IMMP2L: variants seen among roughly 807,000 people sequenced by gnomAD.
The protein encoded by IMMP2L is mitochondrial inner membrane protease subunit 2.
A neutral mutation model predicts 19.3 loss-of-function variants in IMMP2L; 18 were observed. That is an observed-to-expected ratio of 0.93 (90% CI 0.64 to 1.38). The LOEUF is 1.38. IMMP2L is among the 40% of genes most tolerant of loss of function. The pLI, the probability that IMMP2L is intolerant of heterozygous loss-of-function variation, is 0.00. For synonymous variants in IMMP2L, 76 were observed against 73.0 expected (o/e 1.04, Z -0.21); for missense variants, 233 against 218.2 (o/e 1.07, Z -0.43).
At chr7:111,319,352 T>C (rs779502892) in intron 3 of IMMP2L, among the ~76,000 whole-genome samples, 2 of 152,150 alleles carry the variant, frequency 1.3e-5, no homozygotes, top group Non-Finnish European at 2.9e-5. Flanking sequence ...TCTACACTAA[T>C]GTGCTACATA....
At position 111,351,276 on chromosome 7, in the gene IMMP2L, C is replaced by T. The variant is rs957683498; in HGVS notation, c.239+135962G>A. On this transcript the variant is annotated intron_variant, in intron 3 of 5. Transcript: ENST00000405709. ...CGCAATCTCTGCTCACCGCAACCTC[C>T]GCCTCCTGGGTTCAAGCGATTCTCC... Among the ~76,000 whole-genome samples, 12 of 152,248 alleles carry T rather than the reference C, an allele frequency of 7.9e-5. No individual in the cohort carries two copies. The South Asian group carries it at 2.1e-3, about 26-fold the overall frequency.
chr7:111,014,428 A>C (rs1825292015), intron 3 of IMMP2L, among the ~76,000 whole-genome samples: 2 of 152,148 alleles, frequency 1.3e-5, no homozygotes, highest in African/African-American at 4.8e-5. Context: ...TGTACAAATT[A>C]CATTTTAAAT....
intron 2 of IMMP2L, among the ~76,000 whole-genome samples, chr7:111,504,645 C>A (rs1283092892): frequency 6.6e-6 from 1 of 152,078 alleles, no homozygotes; most frequent in East Asian, 1.9e-4. Context: ...TGGAACAGAA[C>A]AGAGCCCTCA....
chr7:110,730,729 T>G (rs1001843817), intron 5 of IMMP2L, among the ~76,000 whole-genome samples: 107 of 151,976 alleles, frequency 7.0e-4, no homozygotes, highest in African/African-American at 2.1e-3. Flanking sequence ...GTTTCACCGT[T>G]TTAGCCAGGA....
intron 3 of IMMP2L, among the ~76,000 whole-genome samples, chr7:111,436,723 A>G (rs1217887907): frequency 2.0e-5 from 3 of 151,950 alleles, no homozygotes; most frequent in Non-Finnish European, 4.4e-5. Context: ...ATCTGTTTGC[A>G]CTGCTATAAA....
chr7:111,543,309 C>G (rs1387243123), intron 1 of IMMP2L, among the ~76,000 whole-genome samples: 2 of 152,132 alleles, frequency 1.3e-5, no homozygotes, highest in Non-Finnish European at 2.9e-5. Flanking sequence ...AGTGTGCTCT[C>G]CGTTTCAAAT....
At chr7:110,686,854 T>C (rs950364454) in intron 5 of IMMP2L, among the ~76,000 whole-genome samples, 1 of 152,054 alleles carries the variant, frequency 6.6e-6, no homozygotes, top group African/African-American at 2.4e-5. Flanking sequence ...ACCAGATTAA[T>C]TTTCTAAAAT....
chr7:110,751,451 A>G (rs1797714566), intron 5 of IMMP2L, among the ~76,000 whole-genome samples: 1 of 152,014 alleles, frequency 6.6e-6, no homozygotes, highest in Admixed American at 6.6e-5. Context: ...CATTCAAGCA[A>G]CTCTAAGAGG....
intron 5 of IMMP2L, among the ~76,000 whole-genome samples, chr7:110,854,531 T>C (rs987769859): frequency 2.6e-5 from 4 of 151,966 alleles, no homozygotes; most frequent in Non-Finnish European, 4.4e-5. Flanking sequence ...GCTTGGAACA[T>C]GCACTTAAAA....
chr7:111,427,942 G>T (rs1274900050), intron 3 of IMMP2L, among the ~76,000 whole-genome samples: 1 of 151,574 alleles, frequency 6.6e-6, no homozygotes, highest in Non-Finnish European at 1.5e-5. Context: ...ATATAATTTT[G>T]CTGGAATACT....
chr7:111,147,299 T>A, intron 3 of IMMP2L, among the ~76,000 whole-genome samples: 1 of 152,110 alleles, frequency 6.6e-6, no homozygotes, highest in Non-Finnish European at 1.5e-5. Context: ...TATCTTGTGA[T>A]TGATGGTTCA....
intron 3 of IMMP2L, among the ~76,000 whole-genome samples, chr7:111,027,685 G>A (rs914063022): frequency 2.0e-5 from 3 of 151,992 alleles, no homozygotes. Context: ...TTTCATTTTC[G>A]ACTGATAAAT....
At chr7:111,216,578 A>C (rs1811946563) in intron 3 of IMMP2L, among the ~76,000 whole-genome samples, 1 of 152,266 alleles carries the variant, frequency 6.6e-6, no homozygotes, top group South Asian at 2.1e-4. Context: ...TTTAAAATGT[A>C]CAGTACTCTA....
chr7:110,863,334 C>T (rs1807643620), intron 5 of IMMP2L, among the ~76,000 whole-genome samples: 1 of 152,114 alleles, frequency 6.6e-6, no homozygotes, highest in Non-Finnish European at 1.5e-5. Flanking sequence ...AGAGCAGCCC[C>T]CACTGGGACA....
chr7:110,962,409 C>A, intron 4 of IMMP2L: 1 of 150,988 alleles, frequency 6.6e-6, no homozygotes. Context: ...AGTCCTTTTC[C>A]AAAAGCAAAC....
intron 4 of IMMP2L, among the ~76,000 whole-genome samples, chr7:110,921,237 A>G (rs930426202): frequency 3.3e-5 from 5 of 152,220 alleles, no homozygotes; most frequent in African/African-American, 1.2e-4. Context: ...TCACGATTCA[A>G]TTCTCCACAC....
chr7:110,941,886 A>G (rs2129553081), intron 4 of IMMP2L, among the ~76,000 whole-genome samples: 1 of 150,920 alleles, frequency 6.6e-6, no homozygotes, highest in Admixed American at 7.1e-5. Context: ...CTTCCTCCAC[A>G]GAATTATGGA....
At chr7:111,419,757 C>G (rs748240595) in intron 3 of IMMP2L, among the ~76,000 whole-genome samples, 1 of 151,504 alleles carries the variant, frequency 6.6e-6, no homozygotes, top group Admixed American at 6.6e-5. Flanking sequence ...GTCACAGGCA[C>G]GTGTCCTCAG....
chr7:110,886,675 C>T lies in IMMP2L; in HGVS notation c.326G>A (p.Arg109Gln), dbSNP rs544301226. The T allele has an allele frequency of 3.5e-5, 56 of 1,593,928 alleles. 1 individual carries two copies. The East Asian group carries it at 4.5e-4, about 13-fold the overall frequency. The change falls in exon 5 of 6, where the codon CGG becomes CAG. Residue 109 changes from arginine (R) to glutamine (Q), a missense_variant. Arg to Gln is a conservative substitution (Grantham distance 43). Transcript: ENST00000405709. ...GTGACCACGGGGGACTTTGACATACCGGTTTTTGTGTCCTATGGTTCTGGA... is the reference window on the plus strand; with the variant it reads ...GTGACCACGGGGGACTTTGACATACTGGTTTTTGTGTCCTATGGTTCTGGA... ...DIVRTIGHKN[R>Q]YVKVPRGHIW...
Sources: gnomAD v4.1 joint callset for allele counts (sites outside exome capture counted in the v4.1 genomes callset) on GRCh38, gnomAD v4.1.1 for gene constraint, MANE v1.5 for transcripts, NCBI Gene and HGNC (gene_info 2026-07-23, HGNC 2026-07-21) for gene names.